PHF14: variants seen among roughly 807,000 people sequenced by gnomAD.
PHF14 encodes the protein PHD finger protein 14.
Under a neutral mutation model 117.9 loss-of-function variants are expected in PHF14, and 55 were observed. The observed-to-expected ratio is 0.47, with a 90% CI of 0.38 to 0.58. The LOEUF (loss-of-function observed/expected upper bound fraction) is 0.58. PHF14 is among the 20% of genes least tolerant of loss of function. The pLI, the probability that PHF14 is intolerant of heterozygous loss-of-function variation, is 0.00. For missense variants in PHF14, 978 were observed against 1,122.2 expected (o/e 0.87, Z 1.84); for synonymous variants, 409 against 368.6 (o/e 1.11, Z -1.26).
At chr7:11,025,609 C>G (rs867550677) in intron 6 of PHF14, among the ~76,000 whole-genome samples, 1 of 151,148 alleles carries the variant, frequency 6.6e-6, no homozygotes, top group Middle Eastern at 3.2e-3. Flanking sequence ...CCGGGTAACA[C>G]GGTGAAACCC....
At chr7:11,065,291 T>C (rs894627404) in intron 16 of PHF14, among the ~76,000 whole-genome samples, 1 of 152,120 alleles carries the variant, frequency 6.6e-6, no homozygotes, top group Non-Finnish European at 1.5e-5. Context: ...TTGAAACTAT[T>C]TCATGGAATT....
At position 10,991,093 on chromosome 7, in the gene PHF14, C is replaced by T. The variant is rs551762196; in HGVS notation, c.1045+246C>T. Among the ~76,000 whole-genome samples, 93 of 152,220 alleles carry T rather than the reference C, an allele frequency of 6.1e-4. 1 individual carries two copies. Among genetic ancestry groups the T allele is most frequent in the African/African-American group, 2.1e-3 (88 of 41,534 alleles). On this transcript the variant is annotated intron_variant, in intron 4 of 17. Transcript: ENST00000634607. Reference sequence around the variant, plus strand: ...GCAACCTCCACCTCCCAGGTTCAAGCGATTCTGCTGCCTCAGCCTCCTGGG... The same window carrying T: ...GCAACCTCCACCTCCCAGGTTCAAGTGATTCTGCTGCCTCAGCCTCCTGGG...
intron 17 of PHF14, among the ~76,000 whole-genome samples, chr7:11,152,356 C>G (rs1316078071): frequency 6.6e-6 from 1 of 152,162 alleles, no homozygotes; most frequent in Non-Finnish European, 1.5e-5. Flanking sequence ...TCCTGAGTGT[C>G]ACCAATCTTC....
intron 16 of PHF14, chr7:11,105,042 G>A: frequency 3.3e-6 from 3 of 895,618 alleles, no homozygotes; most frequent in Non-Finnish European, 4.0e-6. Context: ...TTAAATGTTT[G>A]TTTTACACTG....
chr7:11,028,018 A>G (rs1032761611), intron 6 of PHF14, among the ~76,000 whole-genome samples: 9 of 152,174 alleles, frequency 5.9e-5, no homozygotes, highest in African/African-American at 1.9e-4. Flanking sequence ...ATTTATACAT[A>G]TAGTCCTTGA....
At chr7:11,142,379 A>G (rs943768946) in intron 17 of PHF14, among the ~76,000 whole-genome samples, 1 of 152,058 alleles carries the variant, frequency 6.6e-6, no homozygotes, top group African/African-American at 2.4e-5. Context: ...TTCTGTTTAT[A>G]TAGAATAAAT....
intron 17 of PHF14, among the ~76,000 whole-genome samples, chr7:11,122,403 A>G (rs1317803981): frequency 1.5e-5 from 2 of 132,942 alleles, no homozygotes; most frequent in Non-Finnish European, 3.2e-5. Flanking sequence ...ACACACATAT[A>G]TATATACACG....
intron 1 of PHF14, 26 bp downstream of exon 1, chr7:10,974,350 C>G (rs755181611): frequency 1.9e-6 from 3 of 1,579,400 alleles, no homozygotes; most frequent in South Asian, 2.3e-5. Flanking sequence ...GCCTCTGCGG[C>G]GAGAGGTCCA....
At chr7:11,097,238 C>T (rs866571222) in intron 16 of PHF14, among the ~76,000 whole-genome samples, 1 of 152,124 alleles carries the variant, frequency 6.6e-6, no homozygotes, top group African/African-American at 2.4e-5. Flanking sequence ...CTCAGCCTCC[C>T]GAAGTGCTGG....
Position 11,036,927 on chromosome 7 carries a change from C to A in PHF14, c.1874-58C>A. ...ATGTGATCATCTTTATAGCTAGTTTCTTCCTATGTCAGTTTTTACTTCCTA... is the reference window on the plus strand; with the variant it reads ...ATGTGATCATCTTTATAGCTAGTTTATTCCTATGTCAGTTTTTACTTCCTA... On this transcript the variant is annotated intron_variant, in intron 9 of 17. Coordinates refer to ENST00000634607, the MANE Select transcript of PHF14 (RefSeq NM_001007157.2). 11 of 1,163,326 alleles carry A rather than the reference C, an allele frequency of 9.5e-6. No individual in the cohort carries two copies. In the South Asian group the frequency reaches 1.6e-4, roughly 17 times the overall value. The allele number at this position is 1,163,326 out of a possible 1,614,324, so 72.1% of individuals were successfully genotyped here. A position where few individuals can be genotyped will look rare whatever the true frequency, so the allele number is the denominator to read the frequency against.
chr7:11,144,408 T>G (rs572109898), intron 17 of PHF14, among the ~76,000 whole-genome samples: 1 of 151,904 alleles, frequency 6.6e-6, no homozygotes, highest in East Asian at 1.9e-4. Context: ...AAGAGATACC[T>G]GCACCCCCAT....
At chr7:11,102,609 G>A in intron 16 of PHF14, 3 of 1,565,544 alleles carry the variant, frequency 1.9e-6, no homozygotes, top group South Asian at 1.2e-5. Context: ...AAGTAAAGGA[G>A]AACAGCTATA....
At position 11,107,058 on chromosome 7, in the gene PHF14, A is replaced by G. The variant is rs1419573789; in HGVS notation, c.2655-4292A>G. The G allele has an allele frequency of 3.0e-6, 3 of 983,718 alleles. No individual in the cohort carries two copies. The African/African-American group carries it at 5.2e-5, about 17-fold the overall frequency. 60.9% of individuals were successfully genotyped at this position (983,718 alleles called of 1,614,324 possible). ...TATAAATTATTTGCATAGGAGGTGCACTTAATTGTTTCAGTTAGGTTTTAA... is the reference window on the plus strand; with the variant it reads ...TATAAATTATTTGCATAGGAGGTGCGCTTAATTGTTTCAGTTAGGTTTTAA... On this transcript the variant is annotated intron_variant, in intron 16 of 17. Transcript: ENST00000634607.
intron 3 of PHF14, among the ~76,000 whole-genome samples, chr7:10,986,043 A>G (rs1421120003): frequency 6.6e-6 from 1 of 152,072 alleles, no homozygotes; most frequent in Admixed American, 6.6e-5. Context: ...ATCATGGCTA[A>G]CTGCAGCTTT....
chr7:10,991,701 G>A (rs1460110904), intron 4 of PHF14, among the ~76,000 whole-genome samples: 24 of 149,550 alleles, frequency 1.6e-4, no homozygotes, highest in Admixed American at 1.5e-3. Context: ...CGGTGTTCTG[G>A]TATTGTATTT....
chr7:11,131,119 G>C lies in PHF14; in HGVS notation c.2772+19652G>C, dbSNP rs966455596. 4.0e-5 allele frequency among the ~76,000 whole-genome samples: 6 copies of C among 151,878 alleles called. No individual in the cohort carries two copies. The East Asian group carries it at 7.7e-4, about 20-fold the overall frequency. ...TCTTGTTTGTTTCCAAGTTTTGGCA[G>C]TTATGAATAACGCTACTATAAACAT... is the stretch of plus-strand genomic sequence containing the variant. On this transcript the variant is annotated intron_variant, in intron 17 of 17. Transcript: ENST00000634607.
intron 16 of PHF14, among the ~76,000 whole-genome samples, chr7:11,087,197 C>CTTTTT (rs34960792): frequency 6.7e-6 from 1 of 149,390 alleles, no homozygotes; most frequent in African/African-American, 2.5e-5. Flanking sequence ...GCCCTTCTTT[C>CTTTTT]TTTTTTTTTG....
intron 17 of PHF14, among the ~76,000 whole-genome samples, chr7:11,116,802 C>G (rs1015310885): frequency 1.3e-5 from 2 of 151,826 alleles, no homozygotes; most frequent in Admixed American, 6.6e-5. Context: ...TTAAAAACTT[C>G]AGTTTTTACA....
chr7:11,108,334 T>C (rs1436644276), intron 16 of PHF14: 3 of 151,728 alleles, frequency 2.0e-5, no homozygotes, highest in Non-Finnish European at 4.4e-5. Flanking sequence ...GACTTCAAGA[T>C]TGGATTCTTT....
Sources: gnomAD v4.1 joint callset for allele counts (sites outside exome capture counted in the v4.1 genomes callset) on GRCh38, gnomAD v4.1.1 for gene constraint, MANE v1.5 for transcripts, NCBI Gene and HGNC (gene_info 2026-07-23, HGNC 2026-07-21) for gene names.